IRX1: variants seen among roughly 807,000 people sequenced by gnomAD.
IRX1 encodes iroquois-class homeodomain protein IRX-1.
IRX1 carries 22 observed loss-of-function variants against 34.1 expected under a neutral mutation model. The observed-to-expected ratio is 0.64, with a 90% CI of 0.46 to 0.92. IRX1 has a LOEUF of 0.92. Ranked by LOEUF, IRX1 falls within the 40% of genes least tolerant of loss-of-function variation. The pLI, the probability that IRX1 is intolerant of heterozygous loss-of-function variation, is 0.00. For missense variants in IRX1, 758 were observed against 680.0 expected, an observed-to-expected ratio of 1.11 and a Z score of -1.28; for synonymous variants, 363 against 319.0, an observed-to-expected ratio of 1.14 and a Z score of -1.47.
Position 3,599,148 on chromosome 5 carries a change from A to T in IRX1, c.277-77A>T. 4 of 1,376,282 alleles carry T rather than the reference A, an allele frequency of 2.9e-6. No homozygotes were observed. Among genetic ancestry groups the T allele is most frequent in the Non-Finnish European group, 4.0e-6 (4 of 1,008,878 alleles). 85.3% of individuals were successfully genotyped at this position (1,376,282 alleles called of 1,614,324 possible). ...TCCCACTCTCCCGTCTTGGGGACTC[A>T]TGTCTCTCTCTCTCTCTCCCTTTCT... On this transcript the variant is annotated intron_variant, in intron 1 of 3. Transcript: ENST00000302006. The surrounding 1 kb of genome is among the most constrained non-coding windows in gnomAD (Gnocchi z 6.6).
chr5:3,596,444 G>T, intron 1 of IRX1, 63 bp downstream of exon 1: 2 of 1,363,988 alleles, frequency 1.5e-6, no homozygotes, highest in Non-Finnish European at 1.9e-6. Context: ...AAGGGTGGCG[G>T]GTCGCCCGGG....
In IRX1 at chr5:3,599,691, A is replaced by C; in HGVS notation, c.743A>C (p.Lys248Thr). 6.2e-7 allele frequency: 1 copy of C among 1,613,282 alleles called. No individual in the cohort carries two copies. The highest frequency in any genetic ancestry group is 8.5e-7 in the Non-Finnish European group (1 of 1,180,004). The change falls in exon 2 of 4, where the codon AAG becomes ACG. Residue 248 changes from lysine to threonine, a missense_variant. Around this residue, in one of 3 missense-constraint regions of IRX1, gnomAD observed 529 missense variants for 418.8 expected, o/e 1.26. Transcript: ENST00000302006. The surrounding 1 kb of genome is among the most constrained non-coding windows in gnomAD (Gnocchi z 6.6). ...GDQSNEDDED[K>T]AEAPHAPAAP... ...CAGAGCAACGAGGATGACGAGGACA[A>C]GGCCGAGGCTCCGCACGCGCCCGCA...
In IRX1 at chr5:3,599,510, G is replaced by A; in HGVS notation, c.562G>A (p.Glu188Lys). 1.2e-6 allele frequency: 2 copies of A among 1,614,216 alleles called. No homozygotes were observed. Among genetic ancestry groups the A allele is most frequent in the Non-Finnish European group, 1.7e-6 (2 of 1,180,040 alleles). ...FANARRRLKK[E>K]NKVTWGARSK... Reference sequence around the variant, plus strand: ...CAACGCGCGCCGGCGCCTCAAGAAGGAGAACAAGGTGACATGGGGAGCGCG... The same window carrying A: ...CAACGCGCGCCGGCGCCTCAAGAAGAAGAACAAGGTGACATGGGGAGCGCG... The change falls in exon 2 of 4, where the codon GAG (glutamate) becomes AAG (lysine). Residue 188 changes from glutamate to lysine, a missense_variant. By Grantham distance (56) the Glu-to-Lys change is moderately conservative. Transcript: ENST00000302006. This position sits in a 1 kb window ranked among gnomAD's most constrained non-coding sequence, Gnocchi z 6.6.
chr5:3,599,761 A>G lies in IRX1; in HGVS notation c.813A>G (p.Ala271=), dbSNP rs751694645. 2 of 1,609,824 alleles carry G rather than the reference A, an allele frequency of 1.2e-6. No individual in the cohort carries two copies. Among genetic ancestry groups the G allele is most frequent in the Non-Finnish European group, 8.5e-7 (1 of 1,179,038 alleles). ...LARDQGSPLA[A]ADVLKPQDSP... is the part of the protein sequence containing the mutation. ...GGGACCAAGGCTCGCCGCTGGCAGC[A>G]GCCGACGTTCTCAAGCCCCAGGACT... The change falls in exon 2 of 4, where the codon GCA becomes GCG. Residue 271 remains alanine, a synonymous_variant. Coordinates refer to ENST00000302006, the MANE Select transcript of IRX1 (RefSeq NM_024337.4). The surrounding 1 kb of genome is among the most constrained non-coding windows in gnomAD (Gnocchi z 6.6).
chr5:3,597,020 A>G (rs1221672479), intron 1 of IRX1, among the ~76,000 whole-genome samples: 1 of 152,194 alleles, frequency 6.6e-6, no homozygotes, highest in African/African-American at 2.4e-5. Context: ...AGTTGCAGTA[A>G]TGTGCTGGTG....
In IRX1 at chr5:3,599,832, G is replaced by A. The variant is rs760388504; in HGVS notation, c.884G>A (p.Arg295His). The A allele has an allele frequency of 6.4e-7, 1 of 1,558,162 alleles. No individual in the cohort carries two copies. Among genetic ancestry groups the A allele is most frequent in the East Asian group, 2.4e-5 (1 of 41,948 alleles). Residue 295 changes from arginine to histidine, a missense_variant, in exon 2 of 4, where the codon CGC becomes CAC. Around this residue, in one of 3 missense-constraint regions of IRX1, gnomAD observed 529 missense variants for 418.8 expected, o/e 1.26. Coordinates refer to ENST00000302006, the MANE Select transcript of IRX1 (RefSeq NM_024337.4). This position sits in a 1 kb window ranked among gnomAD's most constrained non-coding sequence, Gnocchi z 6.6. The part of the protein sequence containing the change: ...AKEAPEPGST[R>H]LLSPGAAAGG... Reference sequence around the variant, plus strand: ...GAGGCCCCAGAGCCGGGCAGCACGCGCCTGCTGAGCCCCGGCGCTGCAGCG... The same window carrying A: ...GAGGCCCCAGAGCCGGGCAGCACGCACCTGCTGAGCCCCGGCGCTGCAGCG...
Position 3,599,833 on chromosome 5 carries a change from C to T in IRX1, c.885C>T (p.Arg295=), listed in dbSNP as rs769985608. The change falls in exon 2 of 4, where the codon CGC becomes CGT. Residue 295 remains arginine (R), a synonymous_variant. Coordinates refer to ENST00000302006, the MANE Select transcript of IRX1 (RefSeq NM_024337.4). The surrounding 1 kb of genome is among the most constrained non-coding windows in gnomAD (Gnocchi z 6.6). ...AGGCCCCAGAGCCGGGCAGCACGCG[C>T]CTGCTGAGCCCCGGCGCTGCAGCGG... is the stretch of plus-strand genomic sequence containing the variant. ...AKEAPEPGST[R]LLSPGAAAGG... 1.9e-6 allele frequency: 3 copies of T among 1,555,862 alleles called. No homozygotes were observed. Among genetic ancestry groups the T allele is most frequent in the Non-Finnish European group, 1.7e-6 (2 of 1,152,598 alleles).
At position 3,601,017 on chromosome 5, in the gene IRX1, C is replaced by G. The variant is rs774547918; in HGVS notation, c.1420C>G (p.Leu474Val). 17 of 1,613,210 alleles carry G rather than the reference C, an allele frequency of 1.1e-5. No homozygotes were observed. The Middle Eastern group carries it at 4.9e-4, about 47-fold the overall frequency. Residue 474 changes from leucine to valine, a missense_variant, in exon 4 of 4, where the codon CTA becomes GTA. Physicochemically the swap from Leu to Val is conservative, Grantham distance 32. Coordinates refer to ENST00000302006, the MANE Select transcript of IRX1 (RefSeq NM_024337.4). ...LAPQEGTPRILAALPSA is the reference protein window; with the variant it reads ...LAPQEGTPRIVAALPSA ...CCCGCAGGAGGGAACGCCGCGGATC[C>G]TAGCAGCCCTCCCGTCCGCCTGATT...
At chr5:3,600,923 G>A in intron 3 of IRX1, 60 bp from the exon 4 acceptor site, 2 of 1,552,114 alleles carry the variant, frequency 1.3e-6, no homozygotes, top group South Asian at 1.1e-5. Flanking sequence ...GCGTCGCCCG[G>A]CGCTGCGTCC....
intron 1 of IRX1, among the ~76,000 whole-genome samples, chr5:3,598,099 G>A (rs1733839185): frequency 6.6e-6 from 1 of 152,194 alleles, no homozygotes; most frequent in African/African-American, 2.4e-5. Context: ...CTGGTTCTGA[G>A]AGAGTAAACT....
chr5:3,599,109 T>C lies in IRX1; in HGVS notation c.277-116T>C, dbSNP rs1174202070. ...AGCGCCTGGGAGGCCCTCGAGTCCA[T>C]TGAAGCGGCTGCTTCCCACTCTCCC... On this transcript the variant is annotated intron_variant, in intron 1 of 3. Coordinates refer to ENST00000302006, the MANE Select transcript of IRX1 (RefSeq NM_024337.4). The surrounding 1 kb of genome is among the most constrained non-coding windows in gnomAD (Gnocchi z 6.6). 4.5e-6 allele frequency: 5 copies of C among 1,115,318 alleles called. No homozygotes were observed. The highest frequency in any genetic ancestry group is 5.0e-6 in the Non-Finnish European group (4 of 797,246). 69.1% of individuals were successfully genotyped at this position (1,115,318 alleles called of 1,614,324 possible).
chr5:3,600,053 G>T lies in IRX1; in HGVS notation c.1105G>T (p.Gly369Cys). ...CCACGGACTGTACACCTGCCACATC[G>T]GCAAGTTCTCCAACTGGACCAACAG... is the stretch of plus-strand genomic sequence containing the variant. ...PSHGLYTCHI[G>C]KFSNWTNSAF... The change falls in exon 2 of 4, where the codon GGC becomes TGC. Residue 369 changes from glycine to cysteine, a missense_variant. Gly to Cys is a radical substitution (Grantham distance 159). Transcript: ENST00000302006. 1 of 1,604,642 alleles carries T rather than the reference G, an allele frequency of 6.2e-7. No individual in the cohort carries two copies. The highest frequency in any genetic ancestry group is 2.2e-5 in the East Asian group (1 of 44,550).
chr5:3,596,528 G>C, intron 1 of IRX1, 147 bp downstream of exon 1: 2 of 803,768 alleles, frequency 2.5e-6, no homozygotes, highest in South Asian at 7.8e-5. Context: ...CGGTGGCCGA[G>C]GCCGCGGCCC....
chr5:3,596,062 G>T lies in IRX1; in HGVS notation c.-44G>T. ...GGCCGGCCTCCGCCTCCCTCCCCGCGCCTTTAATACTCGCCCGCTGCGGCG... is the reference window on the plus strand; with the variant it reads ...GGCCGGCCTCCGCCTCCCTCCCCGCTCCTTTAATACTCGCCCGCTGCGGCG... On this transcript the variant is annotated 5_prime_UTR_variant, in exon 1 of 4. Coordinates refer to ENST00000302006, the MANE Select transcript of IRX1 (RefSeq NM_024337.4). 1 of 1,043,952 alleles carries T rather than the reference G, an allele frequency of 9.6e-7. No homozygotes were observed. Among genetic ancestry groups the T allele is most frequent in the Non-Finnish European group, 1.2e-6 (1 of 867,298 alleles). 64.7% of individuals were successfully genotyped at this position (1,043,952 alleles called of 1,614,324 possible). A position where few individuals can be genotyped will look rare whatever the true frequency, so the allele number is the denominator to read the frequency against.
rs1165371885 is a variant in IRX1 at position 3,601,039 on chromosome 5, G to A, written c.1442G>A (p.Ter481=). ...ATCCTAGCAGCCCTCCCGTCCGCCT[G>A]ATTAAGGGTCTTCTTTTACTTTTGC... ...PRILAALPSA[*] The change falls in exon 4 of 4, where the codon TGA becomes TAA. Residue 481 remains the stop codon, a stop_retained_variant. Coordinates refer to ENST00000302006, the MANE Select transcript of IRX1 (RefSeq NM_024337.4). The A allele has an allele frequency of 7.0e-7, 1 of 1,436,108 alleles. No homozygotes were observed. Among genetic ancestry groups the A allele is most frequent in the Middle Eastern group, 1.9e-4 (1 of 5,152 alleles). The allele number at this position is 1,436,108 out of a possible 1,614,324, so 89.0% of individuals were successfully genotyped here. A position where few individuals can be genotyped will look rare whatever the true frequency, so the allele number is the denominator to read the frequency against.
intron 3 of IRX1, 148 bp from the exon 4 acceptor site, chr5:3,600,835 G>T: frequency 2.6e-6 from 3 of 1,134,574 alleles, no homozygotes; most frequent in Admixed American, 1.9e-5. Context: ...CGGGCGAGCC[G>T]AGGAGACTGG....
At chr5:3,596,696 C>T (rs1242556688) in intron 1 of IRX1, among the ~76,000 whole-genome samples, 1 of 152,096 alleles carries the variant, frequency 6.6e-6, no homozygotes, top group African/African-American at 2.4e-5. Flanking sequence ...AGGTCGGGGG[C>T]AAACTCGCCT....
chr5:3,600,705 T>A (rs1323457550), intron 3 of IRX1, 24 bp downstream of exon 3: 4 of 1,516,656 alleles, frequency 2.6e-6, no homozygotes, highest in Non-Finnish European at 2.7e-6. Context: ...GCTTTTGCTA[T>A]GGGAGAAGGC....
Position 3,600,204 on chromosome 5 carries a change from C to A in IRX1, c.1256C>A (p.Ala419Asp). The change falls in exon 2 of 4, where the codon GCC becomes GAC. Residue 419 changes from alanine to aspartate, a missense_variant. Coordinates refer to ENST00000302006, the MANE Select transcript of IRX1 (RefSeq NM_024337.4). ...PPPPQPPVAI[A>D]PGALNGDKAS... ...CCACCGCAGCCGCCGGTCGCTATTG[C>A]CCCGGGGGCACTCAATGGAGACAAG... 6.2e-7 allele frequency: 1 copy of A among 1,611,062 alleles called. No individual in the cohort carries two copies. Among genetic ancestry groups the A allele is most frequent in the Non-Finnish European group, 8.5e-7 (1 of 1,179,226 alleles).
Sources: gnomAD v4.1 joint callset for allele counts (sites outside exome capture counted in the v4.1 genomes callset) on GRCh38, gnomAD v4.1.1 for gene constraint, gnomAD v4.1.1 regional missense constraint, Gnocchi (gnomAD v3.1) non-coding constraint, MANE v1.5 for transcripts, NCBI Gene and HGNC (gene_info 2026-07-23, HGNC 2026-07-21) for gene names.